Variants in FSTL4 observed in about 807,000 individuals in gnomAD.
FSTL4 encodes the protein follistatin-related protein 4.
FSTL4 carries 28 observed loss-of-function variants against 78.2 expected under a neutral mutation model. The ratio of observed to expected loss-of-function variants is 0.36; its 90% CI spans 0.27 to 0.49. FSTL4 has a LOEUF of 0.49. Ranked by LOEUF, FSTL4 falls within the 20% of genes least tolerant of loss-of-function variation. FSTL4 has a pLI of 0.98. For missense variants in FSTL4, 922 were observed against 1,084.9 expected, an observed-to-expected ratio of 0.85 and a Z score of 2.11; for synonymous variants, 422 against 440.5, an observed-to-expected ratio of 0.96 and a Z score of 0.53.
chr5:133,825,178 G>A, the FSTL4 span, among the ~76,000 whole-genome samples: 1 of 152,008 alleles, frequency 6.6e-6, no homozygotes, highest in East Asian at 1.9e-4. Context: ...CAGGCCTCAG[G>A]TCTCCCTACT....
intron 3 of FSTL4, among the ~76,000 whole-genome samples, chr5:133,505,675 AG>A (rs1193561644): frequency 6.6e-6 from 1 of 152,258 alleles, no homozygotes; most frequent in Non-Finnish European, 1.5e-5. Flanking sequence ...CTTTAAAAGA[AG>A]GGATGCATTC....
chr5:133,335,033 A>G (rs1420136215), intron 4 of FSTL4, among the ~76,000 whole-genome samples: 1 of 152,208 alleles, frequency 6.6e-6, no homozygotes, highest in Non-Finnish European at 1.5e-5. Context: ...GAGCTAGGAC[A>G]CCTTGGGGTG....
chr5:133,570,626 T>A (rs925198991), intron 2 of FSTL4, among the ~76,000 whole-genome samples: 1 of 152,220 alleles, frequency 6.6e-6, no homozygotes. Flanking sequence ...CCTAGGGACA[T>A]TGTGAAAATT....
At chr5:133,791,008 A>G in the FSTL4 span, among the ~76,000 whole-genome samples, 1 of 152,162 alleles carries the variant, frequency 6.6e-6, no homozygotes, top group African/African-American at 2.4e-5. Context: ...CTGGCCTGCC[A>G]GGCCCCATTG....
At chr5:133,208,699 CAG>C (rs1270199772) in intron 14 of FSTL4, among the ~76,000 whole-genome samples, 2 of 152,116 alleles carry the variant, frequency 1.3e-5, no homozygotes, top group African/African-American at 4.8e-5. Flanking sequence ...TTTTTTGAGA[CAG>C]AGTCTTGCTC....
chr5:133,752,623 TAAAA>T, the FSTL4 span, among the ~76,000 whole-genome samples: 6 of 151,810 alleles, frequency 4.0e-5, no homozygotes, highest in African/African-American at 1.5e-4. Flanking sequence ...TAAAATAAAA[TAAAA>T]TTAAATTAAA....
chr5:133,620,967 G>A, the FSTL4 span, among the ~76,000 whole-genome samples: 3 of 152,168 alleles, frequency 2.0e-5, no homozygotes, highest in Non-Finnish European at 4.4e-5. Flanking sequence ...AAAGATACTT[G>A]CATATGCATG....
chr5:133,824,773 G>A, the FSTL4 span, among the ~76,000 whole-genome samples: 2 of 152,032 alleles, frequency 1.3e-5, no homozygotes, highest in African/African-American at 2.4e-5. Context: ...GCAGGGGAGA[G>A]GTGGAGCCAG....
intron 3 of FSTL4, among the ~76,000 whole-genome samples, chr5:133,512,553 T>G (rs1160517033): frequency 3.3e-5 from 5 of 152,260 alleles, no homozygotes; most frequent in African/African-American, 1.2e-4. Flanking sequence ...ATAGTACATG[T>G]CCTTCAATTA....
chr5:133,241,766 C>T (rs906835538), intron 7 of FSTL4, among the ~76,000 whole-genome samples: 1 of 152,174 alleles, frequency 6.6e-6, no homozygotes, highest in Non-Finnish European at 1.5e-5. Context: ...TTTGGGAAAC[C>T]TGCAACCCTC....
rs143377710 is a variant in FSTL4 at position 133,335,158 on chromosome 5, C to T, written c.410-18506G>A. Among the ~76,000 whole-genome samples the T allele has an allele frequency of 6.3e-4, 96 of 152,280 alleles. 1 individual carries two copies. The highest frequency in any genetic ancestry group is 2.0e-3 in the African/African-American group (84 of 41,566). ...GCCGTGGCTCCTGGCTCAGAGGTAT[C>T]GGTATGGAGGCAGGTGCTCAGTTAG... On this transcript the variant is annotated intron_variant, in intron 4 of 15. Transcript: ENST00000265342.
chr5:133,683,981 T>C, the FSTL4 span, among the ~76,000 whole-genome samples: 1 of 152,202 alleles, frequency 6.6e-6, no homozygotes, highest in East Asian at 1.9e-4. Context: ...CCGCAGTGAT[T>C]GCCTCTTGAT....
At chr5:133,378,713 A>G (rs1480895645) in intron 4 of FSTL4, among the ~76,000 whole-genome samples, 4 of 152,172 alleles carry the variant, frequency 2.6e-5, no homozygotes, top group Admixed American at 6.5e-5. Flanking sequence ...GTAAATTCTG[A>G]TAAGTTATGA....
chr5:133,816,182 G>A, the FSTL4 span, among the ~76,000 whole-genome samples: 1 of 152,186 alleles, frequency 6.6e-6, no homozygotes, highest in African/African-American at 2.4e-5. Context: ...AGGTGAGGAC[G>A]CTTGTGAGGC....
At chr5:133,579,635 T>C (rs928079148) in intron 2 of FSTL4, among the ~76,000 whole-genome samples, 2 of 152,142 alleles carry the variant, frequency 1.3e-5, no homozygotes, top group Non-Finnish European at 2.9e-5. Context: ...CCAGGAACCA[T>C]CCAATAAATG....
chr5:133,427,833 C>T, intron 3 of FSTL4: 2 of 382,230 alleles, frequency 5.2e-6, no homozygotes, highest in Admixed American at 4.5e-5. Context: ...CCATGTGGCT[C>T]CAGAGAAGTG....
At chr5:133,558,839 C>G (rs1287715595) in intron 3 of FSTL4, among the ~76,000 whole-genome samples, 1 of 152,108 alleles carries the variant, frequency 6.6e-6, no homozygotes, top group Admixed American at 6.5e-5. Flanking sequence ...AAGCCCTCAC[C>G]ACAGCCACAG....
chr5:133,535,503 G>T (rs1016677660), intron 3 of FSTL4, among the ~76,000 whole-genome samples: 4 of 152,208 alleles, frequency 2.6e-5, no homozygotes, highest in Non-Finnish European at 4.4e-5. Context: ...CCGTCCCTTC[G>T]TTTCCCTTAA....
intron 12 of FSTL4, among the ~76,000 whole-genome samples, chr5:133,219,924 C>T (rs750780943): frequency 6.6e-6 from 1 of 152,206 alleles, no homozygotes; most frequent in Non-Finnish European, 1.5e-5. Flanking sequence ...AATAACACTT[C>T]TAAAAAATAA....
Sources: gnomAD v4.1 joint callset for allele counts (sites outside exome capture counted in the v4.1 genomes callset) on GRCh38, gnomAD v4.1.1 for gene constraint, MANE v1.5 for transcripts, NCBI Gene and HGNC (gene_info 2026-07-23, HGNC 2026-07-21) for gene names.